Variants in CACNA1E observed in about 807,000 individuals in gnomAD.
CACNA1E encodes voltage-dependent R-type calcium channel subunit alpha-1E.
A neutral mutation model predicts 259.2 loss-of-function variants in CACNA1E; 40 were observed. That is an observed-to-expected ratio of 0.15 (90% CI 0.12 to 0.20). CACNA1E has a LOEUF of 0.20. Ranked by LOEUF, CACNA1E falls within the 10% of genes least tolerant of loss-of-function variation. The probability of loss-of-function intolerance (pLI) is 1.00; values close to 1 mark genes in which losing one functional copy is unlikely to be tolerated. For missense variants in CACNA1E, 1,874 were observed against 3,040.1 expected (o/e 0.62, Z 9.02); for synonymous variants, 1,104 against 1,138.5 (o/e 0.97, Z 0.61).
chr1:181,790,531 G>A lies in CACNA1E; in HGVS notation c.5873G>A (p.Gly1958Glu). 1.2e-6 allele frequency: 2 copies of A among 1,611,040 alleles called. No homozygotes were observed. The highest frequency in any genetic ancestry group is 1.7e-6 in the Non-Finnish European group (2 of 1,177,162). Reference protein sequence around the residue: ...QLACMDPADDGQFQERQSLEP... With the variant: ...QLACMDPADDEQFQERQSLEP... ...GCTTGTATGGACCCCGCCGATGACG[G>A]ACAGTTCCAAGAACGGCAGTCTCTG... The change falls in exon 44 of 48, where the codon GGA (glycine) becomes GAA (glutamate). Residue 1958 changes from glycine to glutamate, a missense_variant. By Grantham distance (98) the Gly-to-Glu change is moderately conservative (BLOSUM62 -2). Coordinates refer to ENST00000367573, the MANE Select transcript of CACNA1E (RefSeq NM_001205293.3).
upstream of CACNA1E, among the ~76,000 whole-genome samples, chr1:181,480,821 A>C (rs1393830604): frequency 2.0e-5 from 3 of 152,220 alleles, no homozygotes; most frequent in African/African-American, 7.2e-5. Flanking sequence ...AAAAAGCTAC[A>C]TGATTTATGT....
intron 8 of CACNA1E, among the ~76,000 whole-genome samples, chr1:181,712,262 G>C (rs1032260312): frequency 1.3e-5 from 2 of 152,152 alleles, no homozygotes; most frequent in African/African-American, 4.8e-5. Flanking sequence ...TTAAAGGTTG[G>C]TTTGCATTAG....
chr1:181,615,967 T>A lies in CACNA1E; in HGVS notation c.951+35191T>A, dbSNP rs560091382. ...AACACAAGTTGAACTTTACTAAATTTTTTTTCTGCAGCTATTGCACTGATC... is the reference window on the plus strand; with the variant it reads ...AACACAAGTTGAACTTTACTAAATTATTTTTCTGCAGCTATTGCACTGATC... On this transcript the variant is annotated intron_variant, in intron 6 of 47. Coordinates refer to ENST00000367573, the MANE Select transcript of CACNA1E (RefSeq NM_001205293.3). Among the ~76,000 whole-genome samples, 13 of 152,330 alleles carry A rather than the reference T, an allele frequency of 8.5e-5. No homozygotes were observed. In the South Asian group the frequency reaches 2.5e-3, roughly 29 times the overall value.
intron 2 of CACNA1E, among the ~76,000 whole-genome samples, chr1:181,461,529 A>C (rs1399776878): frequency 7.1e-6 from 1 of 141,484 alleles, no homozygotes; most frequent in African/African-American, 2.8e-5. Flanking sequence ...CGACAGAGCA[A>C]GACTCCATCT....
At chr1:181,666,788 T>A (rs1010581075) in intron 7 of CACNA1E, among the ~76,000 whole-genome samples, 2 of 152,002 alleles carry the variant, frequency 1.3e-5, no homozygotes, top group Non-Finnish European at 2.9e-5. Flanking sequence ...TATATATAAG[T>A]GTAAAGTGTC....
At chr1:181,704,427 G>C (rs1652588539) in intron 7 of CACNA1E, among the ~76,000 whole-genome samples, 1 of 152,078 alleles carries the variant, frequency 6.6e-6, no homozygotes, top group Non-Finnish European at 1.5e-5. Flanking sequence ...GAACATTTAG[G>C]GTTGAAGAGG....
chr1:181,634,066 T>C (rs891749982), intron 6 of CACNA1E, among the ~76,000 whole-genome samples: 9 of 152,210 alleles, frequency 5.9e-5, no homozygotes, highest in African/African-American at 1.7e-4. Context: ...TTTCCATTAA[T>C]GTGGACCGAT....
rs557859102 is a variant in CACNA1E, at chr1:181,595,551, T to C, written c.951+14775T>C. Among the ~76,000 whole-genome samples, 380 of 152,158 alleles carry C rather than the reference T, an allele frequency of 2.5e-3. 1 individual carries two copies. The highest frequency in any genetic ancestry group is 4.7e-3 in the Non-Finnish European group (319 of 68,002). On this transcript the variant is annotated intron_variant, in intron 6 of 47. Transcript: ENST00000367573. Reference sequence around the variant, plus strand: ...TCTCCACCATCCTCCCCTTCCCGGGTCTCCCACTCTCCTCTCTCTGTGACA... The same window carrying C: ...TCTCCACCATCCTCCCCTTCCCGGGCCTCCCACTCTCCTCTCTCTGTGACA...
Position 181,543,731 on chromosome 1 carries a change from AC to A in CACNA1E, c.512+32222del, listed in dbSNP as rs540327672. On this transcript the variant is annotated intron_variant, in intron 3 of 47. Coordinates refer to ENST00000367573, the MANE Select transcript of CACNA1E (RefSeq NM_001205293.3). ...TATGGTATTTTTTAAAGCAGCTGGA[AC>A]TGAGCAAGGCAACATCATTAGCCAT... Among the ~76,000 whole-genome samples, 21 of 152,354 alleles carry A rather than the reference AC, an allele frequency of 1.4e-4. 1 individual carries two copies. The South Asian group carries it at 3.9e-3, about 29-fold the overall frequency.
chr1:181,581,032 T>C (rs1162707068), intron 6 of CACNA1E, among the ~76,000 whole-genome samples: 1 of 152,192 alleles, frequency 6.6e-6, no homozygotes, highest in Non-Finnish European at 1.5e-5. Context: ...GTGAACAAAT[T>C]AGTTAAGTCA....
chr1:181,630,867 C>T (rs1462437194), intron 6 of CACNA1E, among the ~76,000 whole-genome samples: 1 of 151,976 alleles, frequency 6.6e-6, no homozygotes, highest in African/African-American at 2.4e-5. Context: ...CTATTCTCAG[C>T]CAGAGGTCTC....
At chr1:181,596,744 G>A (rs1001064210) in intron 6 of CACNA1E, among the ~76,000 whole-genome samples, 2 of 152,128 alleles carry the variant, frequency 1.3e-5, no homozygotes, top group African/African-American at 2.4e-5. Flanking sequence ...CTGTAGTACT[G>A]TACATAATTC....
intron 7 of CACNA1E, among the ~76,000 whole-genome samples, chr1:181,710,732 G>A (rs1653266953): frequency 1.3e-5 from 2 of 152,200 alleles, no homozygotes; most frequent in African/African-American, 4.8e-5. Flanking sequence ...GGTCCTGACT[G>A]GAATGCAGCT....
chr1:181,397,722 T>G (rs1656785640), intron 1 of CACNA1E, among the ~76,000 whole-genome samples: 1 of 152,138 alleles, frequency 6.6e-6, no homozygotes, highest in African/African-American at 2.4e-5. Context: ...GGACCTGGTG[T>G]CCCTCCCCCT....
chr1:181,428,425 G>A (rs893713675), intron 2 of CACNA1E, among the ~76,000 whole-genome samples: 6 of 152,124 alleles, frequency 3.9e-5, no homozygotes, highest in South Asian at 2.1e-4. Context: ...AGGGGCATCC[G>A]GCACAGAGTG....
chr1:181,780,161 A>G (rs916149963), intron 38 of CACNA1E, among the ~76,000 whole-genome samples: 1 of 152,172 alleles, frequency 6.6e-6, no homozygotes, highest in Non-Finnish European at 1.5e-5. Context: ...GCTGTGTGGA[A>G]GAAGGTAGTA....
At chr1:181,564,900 T>G (rs80203034) in intron 3 of CACNA1E, among the ~76,000 whole-genome samples, 1 of 148,298 alleles carries the variant, frequency 6.7e-6, no homozygotes, top group East Asian at 2.0e-4. Flanking sequence ...TTTTTTTTTT[T>G]CTGAGCAGGT....
intron 7 of CACNA1E, among the ~76,000 whole-genome samples, chr1:181,688,698 A>G (rs1036180411): frequency 2.0e-5 from 3 of 152,206 alleles, no homozygotes; most frequent in African/African-American, 7.2e-5. Flanking sequence ...TCAAATATAC[A>G]ATACATTGAT....
intron 3 of CACNA1E, among the ~76,000 whole-genome samples, chr1:181,513,403 T>C (rs1666308430): frequency 6.6e-6 from 1 of 152,280 alleles, no homozygotes; most frequent in Non-Finnish European, 1.5e-5. Flanking sequence ...CAGCAGTTTG[T>C]TAAGTAGATG....
Sources: gnomAD v4.1 joint callset for allele counts (sites outside exome capture counted in the v4.1 genomes callset) on GRCh38, gnomAD v4.1.1 for gene constraint, MANE v1.5 for transcripts, NCBI Gene and HGNC (gene_info 2026-07-23, HGNC 2026-07-21) for gene names.